The following LRMDA variants were observed in gnomAD, a reference collection of about 807,000 sequenced individuals.
LRMDA encodes leucine-rich melanocyte differentiation-associated protein.
A neutral mutation model predicts 29.8 loss-of-function variants in LRMDA; 18 were observed. The ratio of observed to expected loss-of-function variants is 0.60; its 90% CI spans 0.42 to 0.90. LRMDA has a LOEUF of 0.90. LRMDA is among the 40% of genes least tolerant of loss of function. The pLI is 0.00. For synonymous variants in LRMDA, 125 were observed against 109.4 expected (o/e 1.14, Z -0.89); for missense variants, 273 against 273.9 (o/e 1.00, Z 0.02).
At chr10:76,088,057 C>T (rs1483029440) in intron 5 of LRMDA, among the ~76,000 whole-genome samples, 1 of 152,104 alleles carries the variant, frequency 6.6e-6, no homozygotes, top group Admixed American at 6.5e-5. Context: ...GAGGTTGAGG[C>T]TACAGTGAGC....
At chr10:76,543,485 G>A (rs1319344203) in intron 6 of LRMDA, among the ~76,000 whole-genome samples, 2 of 152,114 alleles carry the variant, frequency 1.3e-5, no homozygotes, top group African/African-American at 2.4e-5. Context: ...TTTTTTCTGA[G>A]TCCAGGGCCA....
rs923318046 is a variant in LRMDA, at chr10:76,558,935, A to T, written c.*1647A>T. 2.0e-5 allele frequency: 3 copies of T among 152,244 alleles called. No individual in the cohort carries two copies. Among genetic ancestry groups the T allele is most frequent in the Non-Finnish European group, 4.4e-5 (3 of 68,044 alleles). The allele number at this position is 152,244 out of a possible 1,614,324, so 9.4% of individuals were successfully genotyped here. A position where few individuals can be genotyped will look rare whatever the true frequency, so the allele number is the denominator to read the frequency against. Reference sequence around the variant, plus strand: ...TGGAGAATGTTGAATGTTTGCATTTATCTCTCAAATCCATTAGTAACTGGA... The same window carrying T: ...TGGAGAATGTTGAATGTTTGCATTTTTCTCTCAAATCCATTAGTAACTGGA... On this transcript the variant is annotated 3_prime_UTR_variant, in exon 7 of 7. Coordinates refer to ENST00000611255, the MANE Select transcript of LRMDA (RefSeq NM_001305581.2).
At chr10:76,538,533 G>GTTATATATATGTATATTTATATACAA (rs1331514922) in intron 6 of LRMDA, among the ~76,000 whole-genome samples, 1 of 140,870 alleles carries the variant, frequency 7.1e-6, no homozygotes, top group African/African-American at 2.6e-5. Context: ...TTTATATACA[G>GTTATATATATGTATATTTATATACAA]TTATATATAT....
At chr10:76,252,531 T>C (rs1484521563) in intron 5 of LRMDA, among the ~76,000 whole-genome samples, 1 of 152,218 alleles carries the variant, frequency 6.6e-6, no homozygotes, top group Non-Finnish European at 1.5e-5. Context: ...GAGCCATTTA[T>C]CTCTGAAAGA....
At chr10:76,539,052 T>C (rs1488841692) in intron 6 of LRMDA, among the ~76,000 whole-genome samples, 1 of 152,186 alleles carries the variant, frequency 6.6e-6, no homozygotes, top group Non-Finnish European at 1.5e-5. Flanking sequence ...GGTCTATTTT[T>C]ATAATAGCGT....
intron 2 of LRMDA, among the ~76,000 whole-genome samples, chr10:75,833,392 G>T (rs1200085433): frequency 2.0e-5 from 3 of 151,872 alleles, no homozygotes; most frequent in Non-Finnish European, 4.4e-5. Flanking sequence ...ACTTTCAAGG[G>T]CTGTGATCTC....
At chr10:76,342,752 G>T (rs942556751) in intron 6 of LRMDA, among the ~76,000 whole-genome samples, 2 of 152,070 alleles carry the variant, frequency 1.3e-5, no homozygotes, top group African/African-American at 4.8e-5. Context: ...TACATCAAGT[G>T]GATAATTTTG....
intron 5 of LRMDA, among the ~76,000 whole-genome samples, chr10:76,279,835 G>A (rs1840181216): frequency 1.3e-5 from 2 of 152,160 alleles, no homozygotes; most frequent in African/African-American, 4.8e-5. Flanking sequence ...GTTGTCTAAT[G>A]TAATACTCAT....
chr10:76,019,171 C>CTGTGTTTGTGG (rs1367989099), intron 2 of LRMDA, among the ~76,000 whole-genome samples: 3 of 152,186 alleles, frequency 2.0e-5, no homozygotes, highest in African/African-American at 7.2e-5. Flanking sequence ...TTGTGGACAG[C>CTGTGTTTGTGG]ACAAATGCTA....
chr10:75,615,047 G>T (rs1841082117), intron 2 of LRMDA, among the ~76,000 whole-genome samples: 2 of 152,174 alleles, frequency 1.3e-5, no homozygotes, highest in Non-Finnish European at 2.9e-5. Context: ...GTCAACTTGG[G>T]TGACTCTTGG....
At chr10:76,359,522 G>A (rs1025122516) in intron 6 of LRMDA, among the ~76,000 whole-genome samples, 1 of 152,250 alleles carries the variant, frequency 6.6e-6, no homozygotes, top group South Asian at 2.1e-4. Flanking sequence ...TAACACCAGC[G>A]TGTGGCTGTA....
At chr10:75,860,145 A>G (rs1436194647) in intron 2 of LRMDA, among the ~76,000 whole-genome samples, 1 of 152,074 alleles carries the variant, frequency 6.6e-6, no homozygotes, top group East Asian at 1.9e-4. Context: ...AAACTGGCTA[A>G]GAGTATTTCA....
chr10:75,631,076 C>T (rs1246465647), intron 2 of LRMDA, among the ~76,000 whole-genome samples: 4 of 152,188 alleles, frequency 2.6e-5, no homozygotes. Context: ...CAGAGCCAGG[C>T]CTGAACTTGC....
At chr10:75,889,926 A>G (rs1845455462) in intron 2 of LRMDA, among the ~76,000 whole-genome samples, 1 of 152,208 alleles carries the variant, frequency 6.6e-6, no homozygotes, top group African/African-American at 2.4e-5. Context: ...ATAAGACTCT[A>G]AGACTGGGAC....
chr10:75,520,861 GT>G (rs1395770978), intron 2 of LRMDA, among the ~76,000 whole-genome samples: 1 of 152,280 alleles, frequency 6.6e-6, no homozygotes, highest in East Asian at 1.9e-4. Context: ...TACAGATGGG[GT>G]TTTGGTGTGG....
chr10:75,494,929 A>G (rs1845027432), intron 2 of LRMDA, among the ~76,000 whole-genome samples: 1 of 152,176 alleles, frequency 6.6e-6, no homozygotes, highest in Admixed American at 6.5e-5. Flanking sequence ...CAGGATGGCA[A>G]CTAGAAGTCC....
Position 76,169,010 on chromosome 10 carries a change from T to G in LRMDA, c.516+110227T>G, listed in dbSNP as rs936700748. 3.3e-5 allele frequency among the ~76,000 whole-genome samples: 5 copies of G among 152,238 alleles called. No individual in the cohort carries two copies. The South Asian group carries it at 8.3e-4, about 25-fold the overall frequency. On this transcript the variant is annotated intron_variant, in intron 5 of 6. Coordinates refer to ENST00000611255, the MANE Select transcript of LRMDA (RefSeq NM_001305581.2). The stretch of plus-strand genomic sequence containing the variant: ...CAAGGTGGGGAGAAAAGAAGGACAT[T>G]CTAGGAGGGAAAAAGATAATATGTA...
At chr10:76,383,517 G>A (rs1346268072) in intron 6 of LRMDA, among the ~76,000 whole-genome samples, 2 of 135,404 alleles carry the variant, frequency 1.5e-5, no homozygotes, top group South Asian at 2.5e-4. Flanking sequence ...TGCAAGCTCC[G>A]CTTCCCGGGT....
intron 5 of LRMDA, among the ~76,000 whole-genome samples, chr10:76,320,235 C>G (rs1840754301): frequency 6.6e-6 from 1 of 152,158 alleles, no homozygotes; most frequent in Non-Finnish European, 1.5e-5. Flanking sequence ...ATATTAGTGG[C>G]TACTGCCTTT....
Sources: gnomAD v4.1 joint callset for allele counts (sites outside exome capture counted in the v4.1 genomes callset) on GRCh38, gnomAD v4.1.1 for gene constraint, MANE v1.5 for transcripts, NCBI Gene and HGNC (gene_info 2026-07-23, HGNC 2026-07-21) for gene names.